The following MED29 variants were observed in gnomAD, a reference collection of about 807,000 sequenced individuals.
MED29 encodes mediator complex subunit 29.
In MED29, 14 loss-of-function variants were observed where a neutral mutation model predicts 22.0. The ratio of observed to expected loss-of-function variants is 0.64; its 90% CI spans 0.42 to 0.99. The LOEUF is 0.99. Ranked by LOEUF, MED29 falls within the 50% of genes least tolerant of loss-of-function variation. MED29 has a pLI of 0.00. For missense variants in MED29, 241 were observed against 253.7 expected (o/e 0.95, Z 0.34); for synonymous variants, 123 against 107.8 (o/e 1.14, Z -0.87).
chr19:39,392,603 C>T, intron 2 of MED29, 81 bp downstream of exon 2: 1 of 1,236,508 alleles, frequency 8.1e-7, no homozygotes, highest in East Asian at 2.4e-5. Flanking sequence ...TGCTCCCCGC[C>T]CACCTCACCT....
chr19:39,393,081 CTTTTTTTTTTTTTTT>C (rs142198224), intron 2 of MED29, among the ~76,000 whole-genome samples: 3 of 34,712 alleles, frequency 8.6e-5, no homozygotes, highest in Non-Finnish European at 1.1e-4. Flanking sequence ...TCTTTCTTTT[CTTTTTTTTTTTTTTT>C]TTTTTTTTTT....
chr19:39,392,795 G>A (rs754884774), intron 2 of MED29: 149 of 395,078 alleles, frequency 3.8e-4, no homozygotes, highest in Non-Finnish European at 6.2e-4. Flanking sequence ...CAGATGCCTG[G>A]CTAATTTGTA....
rs985731867 is a variant in MED29 at position 39,397,399 on chromosome 19, G to T, written c.361-58G>T. 6.4e-6 allele frequency: 10 copies of T among 1,559,716 alleles called. No individual in the cohort carries two copies. The South Asian group carries it at 9.1e-5, about 14-fold the overall frequency. ...CGACAACCCCCAGCTGGCCCTTGGGGTGGGGTAGAATGACCTCGGGTGGAG... is the reference window on the plus strand; with the variant it reads ...CGACAACCCCCAGCTGGCCCTTGGGTTGGGGTAGAATGACCTCGGGTGGAG... On this transcript the variant is annotated intron_variant, in intron 3 of 3. Coordinates refer to ENST00000315588, the MANE Select transcript of MED29 (RefSeq NM_017592.4).
chr19:39,392,407 A>C, intron 1 of MED29, 57 bp from the exon 2 acceptor site: 3 of 1,370,698 alleles, frequency 2.2e-6, no homozygotes, highest in Non-Finnish European at 3.0e-6. Flanking sequence ...TAGATCTGCC[A>C]GAGGTATTCC....
chr19:39,396,550 A>G (rs1182111777), intron 3 of MED29, among the ~76,000 whole-genome samples: 1 of 151,462 alleles, frequency 6.6e-6, no homozygotes, highest in African/African-American at 2.4e-5. Context: ...ATATGGTGAA[A>G]TCCCGTCTCT....
chr19:39,393,678 C>A, intron 3 of MED29, 41 bp downstream of exon 3: 1 of 1,550,172 alleles, frequency 6.5e-7, no homozygotes, highest in Non-Finnish European at 8.9e-7. Context: ...CAGCCGTGTC[C>A]CAGTCTCTGG....
chr19:39,398,007 GTCCT>G lies in MED29; in HGVS notation c.*313_*316del, dbSNP rs924286333. ...AGCCCTGGCTGTCCCCTCTCCCTCA[GTCCT>G]TCCTGACTGTCTCCAGCTGGGAGGT... On this transcript the variant is annotated 3_prime_UTR_variant, in exon 4 of 4. Transcript: ENST00000315588. 8.8e-5 allele frequency: 47 copies of G among 533,836 alleles called. No homozygotes were observed. The highest frequency in any genetic ancestry group is 7.3e-4 in the African/African-American group (39 of 53,066). 33.1% of individuals were successfully genotyped at this position (533,836 alleles called of 1,614,324 possible). A position where few individuals can be genotyped will look rare whatever the true frequency, so the allele number is the denominator to read the frequency against.
At chr19:39,396,102 CAG>C (rs1490541577) in intron 3 of MED29, among the ~76,000 whole-genome samples, 1 of 152,148 alleles carries the variant, frequency 6.6e-6, no homozygotes, top group Non-Finnish European at 1.5e-5. Flanking sequence ...TGAGAGAAGA[CAG>C]GGCCTAGGAA....
rs1052171786 is a variant in MED29 at position 39,400,367 on chromosome 19, C to T, written c.*2668C>T. The T allele has an allele frequency of 8.6e-5, 13 of 151,966 alleles. No homozygotes were observed. The highest frequency in any genetic ancestry group is 3.1e-4 in the African/African-American group (13 of 41,346). The allele number at this position is 151,966 out of a possible 1,614,324, so 9.4% of individuals were successfully genotyped here. On this transcript the variant is annotated 3_prime_UTR_variant, in exon 4 of 4. Transcript: ENST00000315588. ...TGCACTCCAGCTTGGTTCATGGAGA[C>T]CCTGTTTTTTTAAAAAAAGAAGTGG...
At chr19:39,392,623 AC>A in intron 2 of MED29, 101 bp downstream of exon 2, 14 of 619,016 alleles carry the variant, frequency 2.3e-5, no homozygotes, top group Non-Finnish European at 3.1e-5. Flanking sequence ...TTCTATATTT[AC>A]TTTTTTTTTT....
intron 3 of MED29, 24 bp downstream of exon 3, chr19:39,393,661 G>T (rs779067234): frequency 3.8e-6 from 6 of 1,587,780 alleles, no homozygotes; most frequent in East Asian, 2.2e-5. Context: ...TGGACACGGG[G>T]TAACAACAGC....
At position 39,397,420 on chromosome 19, in the gene MED29, TGGA is replaced by T. The variant is rs1365029124; in HGVS notation, c.361-35_361-33del. 8.8e-6 allele frequency: 14 copies of T among 1,585,712 alleles called. No individual in the cohort carries two copies. The Admixed American group carries it at 2.0e-4, about 23-fold the overall frequency. On this transcript the variant is annotated intron_variant, in intron 3 of 3. Transcript: ENST00000315588. ...TGGGGTGGGGTAGAATGACCTCGGG[TGGA>T]GCTGATGCTGTCCCCTTGCCTGCCT...
Position 39,393,611 on chromosome 19 carries a change from C to T in MED29, c.334C>T (p.Leu112Phe), listed in dbSNP as rs949411088. 3.7e-6 allele frequency: 6 copies of T among 1,614,036 alleles called. No homozygotes were observed. In the African/African-American group the frequency reaches 6.7e-5, roughly 18 times the overall value. ...CAAGTGCCTGGAAGAGTTCTATGCA[C>T]TCTGTGACCAGCTGGAGCTGTGCCT... ...FDKCLEEFYA[L>F]CDQLELCLRL... The change falls in exon 3 of 4, where the codon CTC (leucine) becomes TTC (phenylalanine). Residue 112 changes from leucine to phenylalanine, a missense_variant. Transcript: ENST00000315588.
intron 3 of MED29, 30 bp downstream of exon 3, chr19:39,393,667 A>G (rs748127255): frequency 1.3e-6 from 2 of 1,568,824 alleles, no homozygotes; most frequent in South Asian, 2.2e-5. Context: ...CGGGGTAACA[A>G]CAGCCGTGTC....
Position 39,397,834 on chromosome 19 carries a change from C to T in MED29, c.*135C>T. ...CGCAGCGGGAGCCAGCAGGGGGCAG[C>T]AGAGGCCAACAGGGAGCTCGCAGGC... On this transcript the variant is annotated 3_prime_UTR_variant, in exon 4 of 4. Coordinates refer to ENST00000315588, the MANE Select transcript of MED29 (RefSeq NM_017592.4). The T allele has an allele frequency of 7.1e-7, 1 of 1,401,910 alleles. No homozygotes were observed. The highest frequency in any genetic ancestry group is 9.4e-7 in the Non-Finnish European group (1 of 1,058,550). 86.8% of individuals were successfully genotyped at this position (1,401,910 alleles called of 1,614,324 possible).
intron 2 of MED29, among the ~76,000 whole-genome samples, chr19:39,393,311 G>C (rs563398844): frequency 3.3e-4 from 50 of 151,826 alleles, no homozygotes; most frequent in Admixed American, 3.1e-3. Context: ...GTCCAGGCTG[G>C]TCTTGAACTC....
At position 39,397,751 on chromosome 19, in the gene MED29, G is replaced by A; in HGVS notation, c.*52G>A. On this transcript the variant is annotated 3_prime_UTR_variant, in exon 4 of 4. Coordinates refer to ENST00000315588, the MANE Select transcript of MED29 (RefSeq NM_017592.4). ...AGTGGTTGGTGGGTGGTGTGCAAAG[G>A]GAATGAAGAGCGTCCTGGGCCTAAA... The A allele has an allele frequency of 1.3e-6, 2 of 1,581,130 alleles. No individual in the cohort carries two copies. Among genetic ancestry groups the A allele is most frequent in the Non-Finnish European group, 1.7e-6 (2 of 1,167,256 alleles).
chr19:39,393,214 G>T (rs1417773153), intron 2 of MED29, among the ~76,000 whole-genome samples: 1 of 145,850 alleles, frequency 6.9e-6, no homozygotes, highest in Non-Finnish European at 1.5e-5. Flanking sequence ...TCCTGCCTCG[G>T]CCTCCCAAGT....
rs760055760 is a variant in MED29 at position 39,391,417 on chromosome 19, A to G, written c.-6A>G. The G allele has an allele frequency of 1.2e-6, 2 of 1,611,712 alleles. No homozygotes were observed. The highest frequency in any genetic ancestry group is 8.5e-7 in the Non-Finnish European group (1 of 1,178,014). ...TAACGCACTTCCGGCGGTCTACGCG[A>G]GGAAGATGGCTGCATCCCAGCAGCA... On this transcript the variant is annotated 5_prime_UTR_variant, in exon 1 of 4. Coordinates refer to ENST00000315588, the MANE Select transcript of MED29 (RefSeq NM_017592.4).
Sources: gnomAD v4.1 joint callset for allele counts (sites outside exome capture counted in the v4.1 genomes callset) on GRCh38, gnomAD v4.1.1 for gene constraint, MANE v1.5 for transcripts, NCBI Gene and HGNC (gene_info 2026-07-23, HGNC 2026-07-21) for gene names.